Variants in DNAH14 observed in about 807,000 individuals in gnomAD.
DNAH14 encodes the protein dynein axonemal heavy chain 14.
In DNAH14, 478 loss-of-function variants were observed where a neutral mutation model predicts 520.9. The ratio of observed to expected loss-of-function variants is 0.92; its 90% CI spans 0.85 to 0.99. The LOEUF (loss-of-function observed/expected upper bound fraction) is 0.99. DNAH14 is among the 50% of genes least tolerant of loss of function. DNAH14 has a pLI of 0.00. For missense variants in DNAH14, 4,831 were observed against 5,234.5 expected (o/e 0.92, Z 2.38); for synonymous variants, 1,581 against 1,757.2 (o/e 0.90, Z 2.51).
intron 26 of DNAH14, among the ~76,000 whole-genome samples, chr1:225,122,591 TTATGAA>T (rs1424293582): frequency 6.6e-6 from 1 of 152,158 alleles, no homozygotes; most frequent in Non-Finnish European, 1.5e-5. Context: ...GACAAAAAAG[TTATGAA>T]TAAAAGTCAT....
chr1:225,018,058 A>G (rs964341244), intron 10 of DNAH14, among the ~76,000 whole-genome samples: 1 of 152,200 alleles, frequency 6.6e-6, no homozygotes, highest in Non-Finnish European at 1.5e-5. Context: ...AAAGGTTCTT[A>G]ACCACGTTGA....
Position 225,377,292 on chromosome 1 carries a change from A to T in DNAH14, c.12572A>T (p.Gln4191Leu). The change falls in exon 79 of 86, where the codon CAG becomes CTG. Residue 4191 changes from glutamine (Q) to leucine (L), a missense_variant. Gln to Leu is a moderately radical substitution (Grantham distance 113). Transcript: ENST00000682510. Reference protein sequence around the residue: ...ASIKDYIHIIQSLPDDDLPEV... With the variant: ...ASIKDYIHIILSLPDDDLPEV... Reference sequence around the variant, plus strand: ...ATAAAGGACTACATACACATTATCCAGTCCTTACCTGATGATGACCTTCCC... The same window carrying T: ...ATAAAGGACTACATACACATTATCCTGTCCTTACCTGATGATGACCTTCCC... The T allele has an allele frequency of 6.5e-7, 1 of 1,542,804 alleles. No homozygotes were observed. The highest frequency in any genetic ancestry group is 8.7e-7 in the Non-Finnish European group (1 of 1,142,940).
In DNAH14 at chr1:225,335,362, C is replaced by T. The variant is rs867241086; in HGVS notation, c.10080+1856C>T. Among the ~76,000 whole-genome samples, 13 of 51,086 alleles carry T rather than the reference C, an allele frequency of 2.5e-4. 2 individuals are homozygous for T. The highest frequency in any genetic ancestry group is 4.4e-4 in the Non-Finnish European group (12 of 27,322). 33.5% of individuals were successfully genotyped at this position (51,086 alleles called of 152,430 possible). A position where few individuals can be genotyped will look rare whatever the true frequency, so the allele number is the denominator to read the frequency against. On this transcript the variant is annotated intron_variant, in intron 66 of 85. Coordinates refer to ENST00000682510, the MANE Select transcript of DNAH14 (RefSeq NM_001367479.1). ...ACATGTGTGTGTATATGCATATACACGTGTACATGTGTGTGTATATGCACA... is the reference window on the plus strand; with the variant it reads ...ACATGTGTGTGTATATGCATATACATGTGTACATGTGTGTGTATATGCACA...
chr1:225,298,075 G>A (rs551270197), intron 55 of DNAH14, among the ~76,000 whole-genome samples: 11 of 152,276 alleles, frequency 7.2e-5, no homozygotes, highest in African/African-American at 2.6e-4. Flanking sequence ...TCAAGCCTGA[G>A]ATATGGGTTC....
At chr1:225,381,653 G>A in intron 81 of DNAH14, 74 bp downstream of exon 81, 1 of 1,146,358 alleles carries the variant, frequency 8.7e-7, no homozygotes, top group Non-Finnish European at 1.2e-6. Context: ...AATGGTGAAG[G>A]TAAATGGTGC....
At chr1:225,243,754 C>T (rs1288521044) in intron 43 of DNAH14, among the ~76,000 whole-genome samples, 3 of 152,080 alleles carry the variant, frequency 2.0e-5, no homozygotes, top group South Asian at 2.1e-4. Flanking sequence ...TGGGCTGAGA[C>T]GATGGGGTTT....
rs2085605687 is a variant in DNAH14, at chr1:225,192,724, T to G, written c.5699T>G (p.Ile1900Ser). Residue 1900 changes from isoleucine (I) to serine (S), a missense_variant, in exon 38 of 86, where the codon ATT becomes AGT. Physicochemically the swap from Ile to Ser is moderately radical, Grantham distance 142. Coordinates refer to ENST00000682510, the MANE Select transcript of DNAH14 (RefSeq NM_001367479.1). Reference protein sequence around the residue: ...KISERKGKVDICVLNPKCVTL... With the variant: ...KISERKGKVDSCVLNPKCVTL... Reference sequence around the variant, plus strand: ...TCAGAAAGAAAAGGAAAAGTAGATATTTGTGTTTTAAATCCAAAGTGTGTC... The same window carrying G: ...TCAGAAAGAAAAGGAAAAGTAGATAGTTGTGTTTTAAATCCAAAGTGTGTC... The G allele has an allele frequency of 3.2e-6, 5 of 1,549,280 alleles. No individual in the cohort carries two copies. The highest frequency in any genetic ancestry group is 4.4e-6 in the Non-Finnish European group (5 of 1,145,476).
At chr1:225,154,510 G>A (rs1453026337) in intron 34 of DNAH14, among the ~76,000 whole-genome samples, 2 of 152,026 alleles carry the variant, frequency 1.3e-5, no homozygotes, top group Admixed American at 6.6e-5. Flanking sequence ...ACTGGCTCAT[G>A]AGTAGAAAAG....
At chr1:225,074,372 A>T (rs2071978989) in intron 17 of DNAH14, among the ~76,000 whole-genome samples, 1 of 152,154 alleles carries the variant, frequency 6.6e-6, no homozygotes, top group African/African-American at 2.4e-5. Flanking sequence ...TGGTTTGGAG[A>T]GTCCACCCAG....
intron 23 of DNAH14, among the ~76,000 whole-genome samples, chr1:225,114,104 C>T (rs1558999945): frequency 6.6e-6 from 1 of 152,170 alleles, no homozygotes; most frequent in Non-Finnish European, 1.5e-5. Context: ...ACATATGAAG[C>T]CAGAATGTCT....
chr1:224,954,109 A>G (rs140735925), intron 2 of DNAH14, among the ~76,000 whole-genome samples: 2 of 152,198 alleles, frequency 1.3e-5, no homozygotes, highest in East Asian at 3.9e-4. Flanking sequence ...AAAAAAAGAA[A>G]AAAAGGTGGG....
At chr1:225,181,278 T>C (rs914793102) in intron 36 of DNAH14, among the ~76,000 whole-genome samples, 17 of 152,206 alleles carry the variant, frequency 1.1e-4, no homozygotes, top group African/African-American at 3.9e-4. Context: ...GAATAGTGCT[T>C]CAATGAACAT....
chr1:225,012,149 G>A (rs1323165179), intron 10 of DNAH14, among the ~76,000 whole-genome samples: 1 of 152,090 alleles, frequency 6.6e-6, no homozygotes, highest in African/African-American at 2.4e-5. Flanking sequence ...AGGCCTGGTG[G>A]TGACAAAATC....
At chr1:224,953,243 C>T (rs1572015815) in intron 2 of DNAH14, among the ~76,000 whole-genome samples, 1 of 152,040 alleles carries the variant, frequency 6.6e-6, no homozygotes, top group East Asian at 1.9e-4. Flanking sequence ...CAACCTCAGC[C>T]CCCCGAGTAG....
Position 225,374,016 on chromosome 1 carries a change from G to A in DNAH14, c.12319-672G>A, listed in dbSNP as rs534530935. Among the ~76,000 whole-genome samples, 254 of 149,256 alleles carry A rather than the reference G, an allele frequency of 1.7e-3. 3 individuals are homozygous for A. Among genetic ancestry groups the A allele is most frequent in the Middle Eastern group, 3.4e-3 (1 of 292 alleles). On this transcript the variant is annotated intron_variant, in intron 77 of 85. Coordinates refer to ENST00000682510, the MANE Select transcript of DNAH14 (RefSeq NM_001367479.1). ...GAGGCTGAGGAAAAAAGCTGAGGTG[G>A]GAGAATCGCCTTAGCTGGAGAGGTC...
chr1:225,327,317 C>A (rs2094696462), intron 64 of DNAH14, among the ~76,000 whole-genome samples: 1 of 151,982 alleles, frequency 6.6e-6, no homozygotes, highest in Non-Finnish European at 1.5e-5. Flanking sequence ...ACCACCACGC[C>A]CGGCTAATTT....
At chr1:225,060,362 C>T (rs1030556529) in intron 17 of DNAH14, among the ~76,000 whole-genome samples, 1 of 152,178 alleles carries the variant, frequency 6.6e-6, no homozygotes. Flanking sequence ...TTTTCAGCTC[C>T]ATCATGTCCT....
chr1:225,377,466 C>G, intron 79 of DNAH14, 30 bp downstream of exon 79: 1 of 1,520,902 alleles, frequency 6.6e-7, no homozygotes, highest in Non-Finnish European at 8.8e-7. Context: ...AATTGTTGGT[C>G]AAAAATTATC....
chr1:225,315,684 T>A (rs1239118420), intron 60 of DNAH14, among the ~76,000 whole-genome samples: 1 of 152,192 alleles, frequency 6.6e-6, no homozygotes, highest in Non-Finnish European at 1.5e-5. Flanking sequence ...AGTTTTACAG[T>A]CAGGCCCCTC....
Sources: allele counts gnomAD v4.1 joint callset (sites outside exome capture counted in the v4.1 genomes callset), GRCh38; gene constraint gnomAD v4.1.1; transcripts MANE v1.5; gene names NCBI Gene and HGNC (gene_info 2026-07-23, HGNC 2026-07-21).